The following TCP11L2 variants were observed in gnomAD, a reference collection of about 807,000 sequenced individuals.
The protein encoded by TCP11L2 is t-complex 11 like 2, also known as T-complex protein 11-like protein 2.
TCP11L2 carries 39 observed loss-of-function variants against 50.7 expected under a neutral mutation model. The ratio of observed to expected loss-of-function variants is 0.77; its 90% CI spans 0.60 to 1.01. TCP11L2 has a LOEUF of 1.01. Ranked by LOEUF, TCP11L2 falls within the 50% of genes least tolerant of loss-of-function variation. The pLI is 0.00. For synonymous variants in TCP11L2, 192 were observed against 219.3 expected, an observed-to-expected ratio of 0.88 and a Z score of 1.10; for missense variants, 612 against 614.7, an observed-to-expected ratio of 1.00 and a Z score of 0.05.
At chr12:106,320,390 C>T (rs2136694538) in intron 4 of TCP11L2, among the ~76,000 whole-genome samples, 1 of 151,630 alleles carries the variant, frequency 6.6e-6, no homozygotes, top group East Asian at 1.9e-4. Context: ...GAGCGAGACT[C>T]CATCTCAAAA....
chr12:106,339,501 T>C (rs1341949950), intron 8 of TCP11L2, among the ~76,000 whole-genome samples: 1 of 152,238 alleles, frequency 6.6e-6, no homozygotes, highest in Non-Finnish European at 1.5e-5. Flanking sequence ...TGTCTATTTT[T>C]GCTTTTGTTG....
upstream of TCP11L2, among the ~76,000 whole-genome samples, chr12:106,298,961 G>A (rs2034378741): frequency 6.6e-6 from 1 of 151,904 alleles, no homozygotes; most frequent in Non-Finnish European, 1.5e-5. Context: ...GGGATTAGAG[G>A]TATGCACACC....
chr12:106,322,745 A>G (rs922755834), intron 5 of TCP11L2, among the ~76,000 whole-genome samples: 10 of 152,190 alleles, frequency 6.6e-5, no homozygotes, highest in African/African-American at 2.4e-4. Context: ...TTACTTTGCA[A>G]TCTTGGGCAG....
chr12:106,320,444 G>A (rs1251604723), intron 4 of TCP11L2, among the ~76,000 whole-genome samples: 4 of 152,114 alleles, frequency 2.6e-5, no homozygotes, highest in Non-Finnish European at 4.4e-5. Context: ...TTCCTAGCTG[G>A]GGCTGCCATC....
At chr12:106,301,891 C>G (rs1249096250), upstream of TCP11L2, 1 of 152,232 alleles carries the variant, frequency 6.6e-6, no homozygotes, top group Non-Finnish European at 1.5e-5. Flanking sequence ...TAGGTGCTGC[C>G]AAGAACCCTA....
rs773360079 is a variant in TCP11L2, at chr12:106,323,641, C to T, written c.767C>T (p.Thr256Ile). Residue 256 changes from threonine (T) to isoleucine (I), a missense_variant, in exon 6 of 10, where the codon ACT (threonine) becomes ATT (isoleucine). Physicochemically the swap from Thr to Ile is moderately conservative, Grantham distance 89. Transcript: ENST00000299045. ...AAGTTCCAGGAAATTTTGGAAGAAA[C>T]TCCAAGTGAGTATAATATAATGTGT... ...RTKFQEILEE[T>I]PSALDQTTEW... is the part of the protein sequence containing the mutation. The T allele has an allele frequency of 2.5e-6, 4 of 1,596,524 alleles. No homozygotes were observed. The highest frequency in any genetic ancestry group is 3.4e-6 in the Non-Finnish European group (4 of 1,170,778).
chr12:106,339,900 AATG>A (rs2036038402), intron 8 of TCP11L2, among the ~76,000 whole-genome samples: 1 of 152,270 alleles, frequency 6.6e-6, no homozygotes, highest in African/African-American at 2.4e-5. Flanking sequence ...TATTGCTGTT[AATG>A]ATGATAAACA....
At chr12:106,305,068 A>G (rs1357519409) in intron 1 of TCP11L2, among the ~76,000 whole-genome samples, 1 of 152,154 alleles carries the variant, frequency 6.6e-6, no homozygotes, top group Non-Finnish European at 1.5e-5. Context: ...AATTTTCTCC[A>G]GCCAAACTGG....
chr12:106,335,021 A>G (rs969687141), intron 6 of TCP11L2, among the ~76,000 whole-genome samples: 3 of 152,122 alleles, frequency 2.0e-5, no homozygotes, highest in African/African-American at 7.2e-5. Flanking sequence ...GGGGACTGTC[A>G]ATCTGGTAAG....
At chr12:106,313,435 G>T (rs2034934203) in intron 2 of TCP11L2, among the ~76,000 whole-genome samples, 1 of 151,952 alleles carries the variant, frequency 6.6e-6, no homozygotes. Flanking sequence ...ACAAAAATTA[G>T]CCTGGTATGG....
At chr12:106,302,394 TCAGCCCCCGCTCAGCC>T (rs2034446458), upstream of TCP11L2, among the ~76,000 whole-genome samples, 7 of 61,916 alleles carry the variant, frequency 1.1e-4, no homozygotes, top group Admixed American at 1.0e-3. Context: ...CAGCCCCCGC[TCAGCCCCCGCTCAGCC>T]CCCGCTCCCC....
intron 2 of TCP11L2, chr12:106,312,321 C>A (rs1592933279): frequency 2.6e-6 from 2 of 772,130 alleles, no homozygotes; most frequent in Non-Finnish European, 1.9e-6. Context: ...CTGCATGAAG[C>A]CTTTCTGGAA....
chr12:106,307,621 A>G (rs1324720304), intron 1 of TCP11L2, among the ~76,000 whole-genome samples: 1 of 152,200 alleles, frequency 6.6e-6, no homozygotes, highest in Non-Finnish European at 1.5e-5. Context: ...GAGAAAGGTA[A>G]GAGCAGGTAT....
intron 6 of TCP11L2, among the ~76,000 whole-genome samples, chr12:106,330,853 A>G (rs1261428787): frequency 6.6e-6 from 1 of 152,172 alleles, no homozygotes; most frequent in Admixed American, 6.5e-5. Context: ...GTTGTTTGTC[A>G]TAGAAACTGC....
chr12:106,306,349 TTTA>T (rs1342243837), intron 1 of TCP11L2, among the ~76,000 whole-genome samples: 1 of 152,258 alleles, frequency 6.6e-6, no homozygotes, highest in Non-Finnish European at 1.5e-5. Flanking sequence ...CTCTATGTGC[TTTA>T]TTATTTTTTC....
chr12:106,340,599 A>G (rs753422613), intron 8 of TCP11L2, among the ~76,000 whole-genome samples: 15 of 152,216 alleles, frequency 9.9e-5, no homozygotes, highest in Non-Finnish European at 1.6e-4. Context: ...ATGCTTTTCT[A>G]TTTAAACACT....
chr12:106,335,198 A>C (rs2136792203), intron 6 of TCP11L2, among the ~76,000 whole-genome samples: 1 of 152,314 alleles, frequency 6.6e-6, no homozygotes, highest in Non-Finnish European at 1.5e-5. Context: ...TTTACCAAAA[A>C]TGTGTGAAAA....
intron 9 of TCP11L2, among the ~76,000 whole-genome samples, chr12:106,344,027 TACAG>T (rs1287007529): frequency 6.6e-6 from 1 of 151,014 alleles, no homozygotes; most frequent in Non-Finnish European, 1.5e-5. Flanking sequence ...GTAGAAAAAT[TACAG>T]ACAAAGGCCA....
At chr12:106,339,898 TTAA>T in intron 8 of TCP11L2, among the ~76,000 whole-genome samples, 1 of 152,258 alleles carries the variant, frequency 6.6e-6, no homozygotes, top group Non-Finnish European at 1.5e-5. Context: ...CTTATTGCTG[TTAA>T]TGATGATAAA....
Sources: allele counts gnomAD v4.1 joint callset (sites outside exome capture counted in the v4.1 genomes callset), GRCh38; gene constraint gnomAD v4.1.1; transcripts MANE v1.5; gene names NCBI Gene and HGNC (gene_info 2026-07-23, HGNC 2026-07-21).